The following XPNPEP3 variants were observed in gnomAD, a reference collection of about 807,000 sequenced individuals.
XPNPEP3 encodes X-prolyl aminopeptidase 3, also known as xaa-Pro aminopeptidase 3.
In XPNPEP3, 41 loss-of-function variants were observed where a neutral mutation model predicts 60.0. The observed-to-expected ratio is 0.68, with a 90% CI of 0.53 to 0.89. The LOEUF is 0.89. XPNPEP3 is among the 40% of genes least tolerant of loss of function. The probability of loss-of-function intolerance (pLI) is 0.00; values close to 1 mark genes in which losing one functional copy is unlikely to be tolerated. For synonymous variants in XPNPEP3, 212 were observed against 223.2 expected, an observed-to-expected ratio of 0.95 and a Z score of 0.45; for missense variants, 598 against 638.9, an observed-to-expected ratio of 0.94 and a Z score of 0.69.
At chr22:40,877,204 A>AT (rs978850632) in intron 2 of XPNPEP3, among the ~76,000 whole-genome samples, 8 of 152,042 alleles carry the variant, frequency 5.3e-5, no homozygotes, top group African/African-American at 1.9e-4. Context: ...CAGTCATTGC[A>AT]TTTTTTCTGA....
At chr22:40,917,716 C>G (rs1386538232) in intron 7 of XPNPEP3, 3 of 151,988 alleles carry the variant, frequency 2.0e-5, no homozygotes, top group African/African-American at 7.3e-5. Flanking sequence ...CATGGCAAAA[C>G]CCAATCTCTA....
chr22:40,907,356 G>A (rs529670082), intron 4 of XPNPEP3, among the ~76,000 whole-genome samples: 1 of 152,178 alleles, frequency 6.6e-6, no homozygotes, highest in South Asian at 2.1e-4. Flanking sequence ...AGGAGGCAGA[G>A]CTTGCAGTGA....
chr22:40,894,855 G>A (rs1315631570), intron 4 of XPNPEP3, among the ~76,000 whole-genome samples: 1 of 152,142 alleles, frequency 6.6e-6, no homozygotes, highest in Non-Finnish European at 1.5e-5. Context: ...CTCACATGGA[G>A]GGCCCTTCTA....
chr22:40,892,397 G>T (rs149083602), intron 4 of XPNPEP3, among the ~76,000 whole-genome samples: 66 of 152,226 alleles, frequency 4.3e-4, no homozygotes, highest in African/African-American at 1.4e-3. Flanking sequence ...ATGTTGGCCA[G>T]GATGGTCTCA....
intron 1 of XPNPEP3, among the ~76,000 whole-genome samples, chr22:40,863,236 A>G (rs1450112705): frequency 2.6e-5 from 4 of 152,238 alleles, no homozygotes; most frequent in Non-Finnish European, 5.9e-5. Context: ...AAATTCAGTC[A>G]TGTATGGGAA....
intron 4 of XPNPEP3, among the ~76,000 whole-genome samples, chr22:40,900,993 C>T (rs1246086927): frequency 6.6e-6 from 1 of 150,798 alleles, no homozygotes; most frequent in Non-Finnish European, 1.5e-5. Context: ...GTGGCTCATA[C>T]CTGTAATCCT....
At chr22:40,924,927 T>C (rs1410166418) in intron 9 of XPNPEP3, among the ~76,000 whole-genome samples, 1 of 152,226 alleles carries the variant, frequency 6.6e-6, no homozygotes, top group Admixed American at 6.5e-5. Flanking sequence ...TGTATTCTTA[T>C]TTAATATCAC....
At chr22:40,873,473 T>C (rs1202692926) in intron 2 of XPNPEP3, among the ~76,000 whole-genome samples, 1 of 152,058 alleles carries the variant, frequency 6.6e-6, no homozygotes. Flanking sequence ...CTGTGTGGCA[T>C]GAAATATAAG....
At chr22:40,907,261 A>C (rs912568181) in intron 4 of XPNPEP3, 1 of 427,874 alleles carries the variant, frequency 2.3e-6, no homozygotes, top group Non-Finnish European at 4.6e-6. Flanking sequence ...CTCTACTAAA[A>C]ATACAAAAAA....
chr22:40,861,742 C>T (rs750282943), intron 1 of XPNPEP3: 2 of 1,613,522 alleles, frequency 1.2e-6, no homozygotes, highest in East Asian at 2.2e-5. Context: ...AAGCCGTACT[C>T]ACATTCATCA....
rs1485540928 is a variant in XPNPEP3, at chr22:40,926,988, C to T, written c.*553C>T. ...GCATATCTACTGGAGCCATATGAGC[C>T]CTCAGGGGCACTGGTGTCCTGCAGT... On this transcript the variant is annotated 3_prime_UTR_variant, in exon 10 of 10. Coordinates refer to ENST00000357137, the MANE Select transcript of XPNPEP3 (RefSeq NM_022098.4). 5.9e-6 allele frequency: 1 copy of T among 168,554 alleles called. No homozygotes were observed. The highest frequency in any genetic ancestry group is 1.3e-5 in the Non-Finnish European group (1 of 77,668). The allele number at this position is 168,554 out of a possible 1,614,324, so 10.4% of individuals were successfully genotyped here.
intron 4 of XPNPEP3, among the ~76,000 whole-genome samples, chr22:40,897,189 G>A (rs1220705054): frequency 1.3e-5 from 2 of 151,852 alleles, no homozygotes; most frequent in Non-Finnish European, 2.9e-5. Context: ...CATCACGCCC[G>A]GCTAATTTTT....
intron 2 of XPNPEP3, among the ~76,000 whole-genome samples, chr22:40,877,694 GCTGA>G (rs2058032700): frequency 6.6e-6 from 1 of 152,118 alleles, no homozygotes; most frequent in Non-Finnish European, 1.5e-5. Context: ...ATCATAAAAT[GCTGA>G]CTTTGTTTTT....
chr22:40,883,732 G>A (rs1276846193), intron 3 of XPNPEP3, among the ~76,000 whole-genome samples: 4 of 152,016 alleles, frequency 2.6e-5, no homozygotes, highest in African/African-American at 7.2e-5. Context: ...TAATCAATCC[G>A]AATGTTTTGA....
chr22:40,869,298 T>C (rs2057994066), intron 2 of XPNPEP3, among the ~76,000 whole-genome samples, 183 bp downstream of exon 2: 1 of 152,204 alleles, frequency 6.6e-6, no homozygotes, highest in African/African-American at 2.4e-5. Context: ...TTTTATTTTA[T>C]TTAATTTTAA....
chr22:40,860,563 A>G (rs1184812843), intron 1 of XPNPEP3: 11 of 1,022,934 alleles, frequency 1.1e-5, no homozygotes, highest in African/African-American at 6.6e-5. Context: ...GTAAGTTTGT[A>G]TAGTGGTTTT....
At position 40,898,224 on chromosome 22, in the gene XPNPEP3, CATTTTTTTTTTTTTTTTT is replaced by C. The variant is rs1389705631; in HGVS notation, c.793-9362_793-9345del. Among the ~76,000 whole-genome samples the C allele has an allele frequency of 5.7e-5, 4 of 70,256 alleles. No homozygotes were observed. In the East Asian group the frequency reaches 2.0e-3, roughly 35 times the overall value. 46.1% of individuals were successfully genotyped at this position (70,256 alleles called of 152,430 possible). On this transcript the variant is annotated intron_variant, in intron 4 of 9. Coordinates refer to ENST00000357137, the MANE Select transcript of XPNPEP3 (RefSeq NM_022098.4). ...ATGTTTTATGTTTAGGTCTTTGACC[CATTTTTTTTTTTTTTTTT>C]TTTTTTTTTTTTTTTTTTTTTTGAG...
intron 1 of XPNPEP3, chr22:40,862,518 C>G (rs1323558873): frequency 2.0e-6 from 2 of 985,430 alleles, no homozygotes; most frequent in Admixed American, 6.1e-5. Context: ...AGAAACAGTT[C>G]AGAGGGAGAT....
intron 9 of XPNPEP3, 22 bp downstream of exon 9, chr22:40,924,504 G>A: frequency 1.2e-6 from 2 of 1,613,884 alleles, no homozygotes; most frequent in Non-Finnish European, 1.7e-6. Flanking sequence ...TGTTACAATA[G>A]TAGTATGAGG....
Sources: gnomAD v4.1 joint callset for allele counts (sites outside exome capture counted in the v4.1 genomes callset) on GRCh38, gnomAD v4.1.1 for gene constraint, MANE v1.5 for transcripts, NCBI Gene and HGNC (gene_info 2026-07-23, HGNC 2026-07-21) for gene names.